The following SPMIP2 variants were observed in gnomAD, a reference collection of about 807,000 sequenced individuals.
SPMIP2 encodes the protein protein SPMIP2.
chr4:159,041,387 A>C, the SPMIP2 span, among the ~76,000 whole-genome samples: 1 of 152,254 alleles, frequency 6.6e-6, no homozygotes, highest in Non-Finnish European at 1.5e-5. Context: ...CAGATAATTT[A>C]AAGCCAGTGT....
chr4:158,948,300 G>A, the SPMIP2 span, among the ~76,000 whole-genome samples: 2 of 151,786 alleles, frequency 1.3e-5, no homozygotes, highest in Admixed American at 1.3e-4. Context: ...CCTCTTGGGG[G>A]GAAAAAAAGC....
the SPMIP2 span, among the ~76,000 whole-genome samples, chr4:158,977,766 C>T: frequency 1.9e-3 from 288 of 152,166 alleles, 8 homozygotes; most frequent in Admixed American, 0.019. Flanking sequence ...AGGCGCCCGC[C>T]ACCACGCCCA....
chr4:158,918,042 A>G, the SPMIP2 span, among the ~76,000 whole-genome samples: 1 of 152,140 alleles, frequency 6.6e-6, no homozygotes, highest in East Asian at 1.9e-4. Flanking sequence ...AGAAACTATT[A>G]GAATATTCTT....
chr4:158,911,202 C>T, the SPMIP2 span, among the ~76,000 whole-genome samples: 3 of 151,976 alleles, frequency 2.0e-5, no homozygotes, highest in Non-Finnish European at 2.9e-5. Flanking sequence ...AAAGGCCCAG[C>T]GCGGTGGCTC....
the SPMIP2 span, among the ~76,000 whole-genome samples, chr4:158,942,463 G>T: frequency 6.6e-6 from 1 of 152,112 alleles, no homozygotes. Context: ...ATCGAGCATT[G>T]TATCAGCACA....
chr4:158,960,214 C>A, the SPMIP2 span: 2 of 937,350 alleles, frequency 2.1e-6, no homozygotes, highest in Middle Eastern at 3.2e-4. Flanking sequence ...TAAAAGTTTA[C>A]AAAAATGAAT....
At chr4:158,894,007 A>G in the SPMIP2 span, among the ~76,000 whole-genome samples, 2 of 152,220 alleles carry the variant, frequency 1.3e-5, no homozygotes, top group Admixed American at 6.5e-5. Context: ...CTGTGATTAA[A>G]TGGCTTTTAG....
chr4:158,922,562 C>A, the SPMIP2 span, among the ~76,000 whole-genome samples: 1 of 152,180 alleles, frequency 6.6e-6, no homozygotes, highest in Non-Finnish European at 1.5e-5. Flanking sequence ...TAGATCATAT[C>A]ATTCAATCAT....
the SPMIP2 span, among the ~76,000 whole-genome samples, chr4:159,082,467 G>GTATGTA: frequency 6.0e-5 from 9 of 149,398 alleles, no homozygotes; most frequent in African/African-American, 2.2e-4. Context: ...GTGTGTGTGT[G>GTATGTA]TGTGTGTGTG....
chr4:158,940,628 G>A, the SPMIP2 span, among the ~76,000 whole-genome samples: 1 of 142,114 alleles, frequency 7.0e-6, no homozygotes, highest in African/African-American at 2.6e-5. Context: ...ATTTGGTTAT[G>A]CACTAACATA....
At chr4:158,952,179 C>G in the SPMIP2 span, among the ~76,000 whole-genome samples, 1 of 152,094 alleles carries the variant, frequency 6.6e-6, no homozygotes, top group Non-Finnish European at 1.5e-5. Context: ...ATCAGTACTC[C>G]TTGCTTGTTA....
the SPMIP2 span, among the ~76,000 whole-genome samples, chr4:158,981,934 G>C: frequency 6.6e-6 from 1 of 151,260 alleles, no homozygotes; most frequent in Non-Finnish European, 1.5e-5. Flanking sequence ...AGACTGGAAA[G>C]CTGGATAAAG....
At chr4:159,053,252 G>A in the SPMIP2 span, among the ~76,000 whole-genome samples, 3 of 152,108 alleles carry the variant, frequency 2.0e-5, no homozygotes, top group South Asian at 6.2e-4. Context: ...CACCGCGCCC[G>A]GCCGACTATT....
chr4:158,987,443 T>A, the SPMIP2 span, among the ~76,000 whole-genome samples: 5 of 152,240 alleles, frequency 3.3e-5, no homozygotes, highest in East Asian at 9.6e-4. Flanking sequence ...CATGGAATAC[T>A]ATGCAGCCAT....
chr4:159,013,171 G>C, the SPMIP2 span, among the ~76,000 whole-genome samples: 1 of 152,210 alleles, frequency 6.6e-6, no homozygotes, highest in Non-Finnish European at 1.5e-5. Context: ...GCAGGAAAAG[G>C]TATGGTGATT....
the SPMIP2 span, among the ~76,000 whole-genome samples, chr4:158,944,139 C>A: frequency 6.6e-6 from 1 of 152,044 alleles, no homozygotes; most frequent in Non-Finnish European, 1.5e-5. Flanking sequence ...CAGGTGTGAG[C>A]CAACGCACCT....
the SPMIP2 span, among the ~76,000 whole-genome samples, chr4:158,989,899 A>C: frequency 6.6e-6 from 1 of 152,208 alleles, no homozygotes; most frequent in Non-Finnish European, 1.5e-5. Context: ...AATTAAACTA[A>C]AGAGCTTCTG....
At chr4:159,080,362 A>T in the SPMIP2 span, among the ~76,000 whole-genome samples, 1 of 152,098 alleles carries the variant, frequency 6.6e-6, no homozygotes, top group South Asian at 2.1e-4. Context: ...GACTATGGGC[A>T]CAGGTTACCA....
chr4:159,074,574 C>A, the SPMIP2 span, among the ~76,000 whole-genome samples: 1 of 152,128 alleles, frequency 6.6e-6, no homozygotes, highest in Non-Finnish European at 1.5e-5. Flanking sequence ...TAGAGTGCAG[C>A]TTCACCTTGT....
Sources: gnomAD v4.1 joint callset for allele counts (sites outside exome capture counted in the v4.1 genomes callset) on GRCh38, gnomAD v4.1.1 for gene constraint, MANE v1.5 for transcripts, NCBI Gene and HGNC (gene_info 2026-07-23, HGNC 2026-07-21) for gene names.